ANO3: variants seen among roughly 807,000 people sequenced by gnomAD.
ANO3 encodes anoctamin 3, also known as anoctamin-3.
ANO3 carries 99 observed loss-of-function variants against 144.8 expected under a neutral mutation model. That is an observed-to-expected ratio of 0.68 (90% CI 0.58 to 0.81). The LOEUF (loss-of-function observed/expected upper bound fraction) is 0.81. Among genes scored for constraint, ANO3 ranks in the 30% least tolerant of loss-of-function variants. The probability of loss-of-function intolerance (pLI) is 0.00; values close to 1 mark genes in which losing one functional copy is unlikely to be tolerated. For missense variants in ANO3, 905 were observed against 1,202.2 expected, an observed-to-expected ratio of 0.75 and a Z score of 3.66; for synonymous variants, 414 against 392.6, an observed-to-expected ratio of 1.05 and a Z score of -0.64.
chr11:26,355,801 C>T (rs1022282957), intron 1 of ANO3, among the ~76,000 whole-genome samples: 1 of 152,026 alleles, frequency 6.6e-6, no homozygotes. Context: ...CTCAGGTGAT[C>T]CGTCCGCCTT....
In ANO3 at chr11:26,565,253, G is replaced by T. The variant is rs781053267; in HGVS notation, c.1447+5474G>T. ...GTAGAGTTGTTTTTTCTTGATAAGGGGTAAACCCAGTGAAGCTATCACTGT... is the reference window on the plus strand; with the variant it reads ...GTAGAGTTGTTTTTTCTTGATAAGGTGTAAACCCAGTGAAGCTATCACTGT... On this transcript the variant is annotated intron_variant, in intron 14 of 26. Coordinates refer to ENST00000256737, the MANE Select transcript of ANO3 (RefSeq NM_031418.4). 19 of 1,585,792 alleles carry T rather than the reference G, an allele frequency of 1.2e-5. No homozygotes were observed. The East Asian group carries it at 4.3e-4, about 36-fold the overall frequency.
intron 1 of ANO3, among the ~76,000 whole-genome samples, chr11:26,377,864 A>T (rs888979890): frequency 2.0e-5 from 3 of 152,156 alleles, no homozygotes; most frequent in African/African-American, 7.2e-5. Context: ...CAGTGGTACA[A>T]ATATCTCCAA....
chr11:26,617,522 C>T (rs916953738), intron 17 of ANO3, among the ~76,000 whole-genome samples: 3 of 152,158 alleles, frequency 2.0e-5, no homozygotes, highest in Admixed American at 6.5e-5. Flanking sequence ...AATACTAGAA[C>T]CCATGTATCT....
At chr11:26,221,070 A>T (rs1365975403) in intron 1 of ANO3, among the ~76,000 whole-genome samples, 2 of 152,048 alleles carry the variant, frequency 1.3e-5, no homozygotes, top group East Asian at 1.9e-4. Flanking sequence ...CCACACAATA[A>T]TCCTCTACAC....
At chr11:26,610,510 A>G (rs1303944413) in intron 17 of ANO3, among the ~76,000 whole-genome samples, 1 of 151,986 alleles carries the variant, frequency 6.6e-6, no homozygotes, top group Non-Finnish European at 1.5e-5. Context: ...TTTGCTGTGT[A>G]AAAACTTTTT....
intron 7 of ANO3, among the ~76,000 whole-genome samples, chr11:26,529,643 G>T (rs995144285): frequency 6.7e-6 from 1 of 148,922 alleles, no homozygotes; most frequent in African/African-American, 2.5e-5. Context: ...CCTGCTATTT[G>T]GACTTACTAT....
At chr11:26,466,608 C>A (rs930547079) in intron 4 of ANO3, among the ~76,000 whole-genome samples, 1 of 151,940 alleles carries the variant, frequency 6.6e-6, no homozygotes, top group South Asian at 2.1e-4. Context: ...ACCAGAGGCT[C>A]ATAAGCACAG....
chr11:26,311,216 A>T (rs2133870688), intron 1 of ANO3, among the ~76,000 whole-genome samples: 1 of 152,334 alleles, frequency 6.6e-6, no homozygotes, highest in Admixed American at 6.5e-5. Flanking sequence ...TATTTGGTTC[A>T]TTGACTAAGT....
chr11:26,452,154 G>T (rs956711564), intron 3 of ANO3, among the ~76,000 whole-genome samples: 1 of 152,192 alleles, frequency 6.6e-6, no homozygotes, highest in Non-Finnish European at 1.5e-5. Flanking sequence ...AGAAAAACTG[G>T]AAACTCTAAA....
chr11:26,372,197 G>T (rs116737327), intron 1 of ANO3, among the ~76,000 whole-genome samples: 14 of 152,096 alleles, frequency 9.2e-5, no homozygotes, highest in Non-Finnish European at 1.5e-4. Context: ...GGGATCGGAT[G>T]GTTTTATAAG....
chr11:26,212,488 A>G (rs1851954740), intron 1 of ANO3, among the ~76,000 whole-genome samples: 1 of 152,154 alleles, frequency 6.6e-6, no homozygotes, highest in Admixed American at 6.5e-5. Flanking sequence ...AACTACCATC[A>G]GAGAATACTA....
At chr11:26,387,849 T>G (rs1249838158) in intron 1 of ANO3, among the ~76,000 whole-genome samples, 1 of 152,112 alleles carries the variant, frequency 6.6e-6, no homozygotes, top group Non-Finnish European at 1.5e-5. Flanking sequence ...CACTCCCACC[T>G]CAGCCCCTCC....
intron 1 of ANO3, among the ~76,000 whole-genome samples, chr11:26,225,982 T>C (rs1852248583): frequency 6.6e-6 from 1 of 152,144 alleles, no homozygotes; most frequent in South Asian, 2.1e-4. Context: ...GAATGACAGA[T>C]CTAACTTATG....
At chr11:26,536,910 G>A (rs1301640270) in intron 9 of ANO3, among the ~76,000 whole-genome samples, 1 of 152,066 alleles carries the variant, frequency 6.6e-6, no homozygotes, top group South Asian at 2.1e-4. Flanking sequence ...CTCATTGAGA[G>A]GGAGGAGATT....
chr11:26,487,003 CACTA>C (rs1717038611), intron 4 of ANO3, among the ~76,000 whole-genome samples: 1 of 152,226 alleles, frequency 6.6e-6, no homozygotes, highest in African/African-American at 2.4e-5. Flanking sequence ...GCCCTGCAGA[CACTA>C]ACCTAATTTG....
chr11:26,296,523 T>C (rs148113913), intron 1 of ANO3, among the ~76,000 whole-genome samples: 86 of 152,306 alleles, frequency 5.6e-4, no homozygotes, highest in African/African-American at 2.0e-3. Context: ...CACAGATTGA[T>C]TTCCTCCTTG....
At chr11:26,561,204 G>T (rs201218745) in intron 14 of ANO3, 2 of 1,609,500 alleles carry the variant, frequency 1.2e-6, no homozygotes, top group Admixed American at 1.7e-5. Context: ...ATAAGGTTCC[G>T]GTGCATTGTC....
At chr11:26,436,287 CA>C (rs2134016126) in intron 1 of ANO3, among the ~76,000 whole-genome samples, 1 of 152,194 alleles carries the variant, frequency 6.6e-6, no homozygotes, top group East Asian at 1.9e-4. Context: ...CCCCTCACAC[CA>C]GGAGCTTTGT....
chr11:26,237,181 C>A (rs1476311416), intron 1 of ANO3, among the ~76,000 whole-genome samples: 3 of 152,078 alleles, frequency 2.0e-5, no homozygotes, highest in Non-Finnish European at 4.4e-5. Context: ...AGAATTGATT[C>A]TAACTCTATT....
Sources: allele counts gnomAD v4.1 joint callset (sites outside exome capture counted in the v4.1 genomes callset), GRCh38; gene constraint gnomAD v4.1.1; transcripts MANE v1.5; gene names NCBI Gene and HGNC (gene_info 2026-07-23, HGNC 2026-07-21).